BMP6: variants seen among roughly 807,000 people sequenced by gnomAD.
The protein encoded by BMP6 is VG-1-R.
BMP6 carries 17 observed loss-of-function variants against 54.1 expected under a neutral mutation model. The observed-to-expected ratio is 0.31, with a 90% CI of 0.22 to 0.47. The LOEUF (loss-of-function observed/expected upper bound fraction) is 0.47. BMP6 is among the 20% of genes least tolerant of loss of function. The pLI is 1.00. For synonymous variants in BMP6, 328 were observed against 291.2 expected (o/e 1.13, Z -1.28); for missense variants, 720 against 690.4 (o/e 1.04, Z -0.48).
chr6:7,798,757 C>T (rs1392166776), intron 1 of BMP6, among the ~76,000 whole-genome samples: 1 of 152,208 alleles, frequency 6.6e-6, no homozygotes, highest in Non-Finnish European at 1.5e-5. Flanking sequence ...CTTGCCACCA[C>T]ACCACATGTA....
intron 1 of BMP6, among the ~76,000 whole-genome samples, chr6:7,840,428 G>A (rs1758950884): frequency 6.6e-6 from 1 of 152,090 alleles, no homozygotes; most frequent in Admixed American, 6.6e-5. Flanking sequence ...CATTACCTCC[G>A]TAAATTGCAT....
chr6:7,759,696 CTTTTTTTT>C (rs71542880), intron 1 of BMP6, among the ~76,000 whole-genome samples: 23 of 62,154 alleles, frequency 3.7e-4, no homozygotes, highest in Non-Finnish European at 5.2e-4. Flanking sequence ...CTTTCTTCTT[CTTTTTTTT>C]TTTTTTTTTT....
At position 7,809,953 on chromosome 6, in the gene BMP6, T is replaced by TTC. The variant is rs1758411899; in HGVS notation, c.665-35187_665-35186insTC. ...ATCTCTTGTACAAAGAGACCACTTATATATTTATTCACTGAGCAAATATTC... is the reference window on the plus strand; with the variant it reads ...ATCTCTTGTACAAAGAGACCACTTATTCATATTTATTCACTGAGCAAATATTC... On this transcript the variant is annotated intron_variant, in intron 1 of 6. Coordinates refer to ENST00000283147, the MANE Select transcript of BMP6 (RefSeq NM_001718.6). Among the ~76,000 whole-genome samples the TTC allele has an allele frequency of 6.8e-4, 102 of 150,016 alleles. 1 individual carries two copies. The highest frequency in any genetic ancestry group is 6.6e-3 in the Admixed American group (99 of 14,976).
At chr6:7,774,033 C>A (rs1757826578) in intron 1 of BMP6, among the ~76,000 whole-genome samples, 1 of 152,186 alleles carries the variant, frequency 6.6e-6, no homozygotes, top group African/African-American at 2.4e-5. Flanking sequence ...GCCTCACCTG[C>A]CGGAGGAGGT....
In BMP6 at chr6:7,727,464, A is replaced by C. The variant is rs1761755668; in HGVS notation, c.509A>C (p.Gln170Pro). The C allele has an allele frequency of 6.3e-7, 1 of 1,596,352 alleles. No individual in the cohort carries two copies. The highest frequency in any genetic ancestry group is 8.5e-7 in the Non-Finnish European group (1 of 1,175,178). ...SWPHEAASSS[Q>P]RRQPPPGAAH... ...CCCCACGAAGCAGCCAGCTCGTCCC[A>C]GCGTCGGCAGCCGCCCCCGGGCGCC... The change falls in exon 1 of 7, where the codon CAG becomes CCG. Residue 170 changes from glutamine to proline, a missense_variant. By Grantham distance (76) the Gln-to-Pro change is moderately conservative (BLOSUM62 -1). This residue lies in a region of BMP6 where 650 missense variants were observed against 556.3 expected (regional missense o/e 1.17). Coordinates refer to ENST00000283147, the MANE Select transcript of BMP6 (RefSeq NM_001718.6).
Position 7,727,592 on chromosome 6 carries a change from G to C in BMP6, c.637G>C (p.Asp213His), listed in dbSNP as rs376562356. Residue 213 changes from aspartate to histidine, a missense_variant, in exon 1 of 7, where the codon GAC becomes CAC. By Grantham distance (81) the Asp-to-His change is moderately conservative (BLOSUM62 -1). This residue lies in a region of BMP6 where 650 missense variants were observed against 556.3 expected (regional missense o/e 1.17). Transcript: ENST00000283147. ...AQDSAFLNDA[D>H]MVMSFVNLVE... ...GGACAGCGCCTTCCTCAACGACGCG[G>C]ACATGGTCATGAGCTTTGTGAACCT... The C allele has an allele frequency of 6.3e-7, 1 of 1,577,806 alleles. No homozygotes were observed. The highest frequency in any genetic ancestry group is 1.8e-5 in the Admixed American group (1 of 56,348).
intron 4 of BMP6, among the ~76,000 whole-genome samples, chr6:7,878,154 G>A (rs1417094708): frequency 6.6e-6 from 1 of 152,166 alleles, no homozygotes; most frequent in Non-Finnish European, 1.5e-5. Flanking sequence ...GCCCTTGCCT[G>A]TGTGATATTT....
chr6:7,807,913 C>CTTTTTTT (rs755894743), intron 1 of BMP6, among the ~76,000 whole-genome samples: 13 of 81,482 alleles, frequency 1.6e-4, no homozygotes, highest in African/African-American at 3.4e-4. Context: ...GAAGTCTTTA[C>CTTTTTTT]TTTTTTTTTT....
rs1453043156 is a variant in BMP6, at chr6:7,727,406, G to C, written c.451G>C (p.Gly151Arg). The C allele has an allele frequency of 1.9e-6, 3 of 1,606,958 alleles. No homozygotes were observed. Among genetic ancestry groups the C allele is most frequent in the Admixed American group, 1.7e-5 (1 of 59,602 alleles). The change falls in exon 1 of 7, where the codon GGG becomes CGG. Residue 151 changes from glycine (G) to arginine (R), a missense_variant. Around this residue, in one of 3 missense-constraint regions of BMP6, gnomAD observed 650 missense variants for 556.3 expected, o/e 1.17. Transcript: ENST00000283147. ...CCTGTCCGCCGACAACGACGAGGAC[G>C]GGGCGTCGGAGGGGGAGAGGCAGCA... is the stretch of plus-strand genomic sequence containing the variant. The part of the protein sequence containing the change: ...NALSADNDED[G>R]ASEGERQQSW...
rs375867934 is a variant in BMP6 at position 7,845,147 on chromosome 6, C to T, written c.672C>T (p.Tyr224=). 9 of 1,612,140 alleles carry T rather than the reference C, an allele frequency of 5.6e-6. No homozygotes were observed. The highest frequency in any genetic ancestry group is 6.8e-6 in the Non-Finnish European group (8 of 1,178,748). The change falls in exon 2 of 7, where the codon TAC becomes TAT. Residue 224 remains tyrosine (Y), a synonymous_variant. Coordinates refer to ENST00000283147, the MANE Select transcript of BMP6 (RefSeq NM_001718.6). Reference sequence around the variant, plus strand: ...TCTTGTTTAATCTTATAGTGGAGTACGACAAGGAGTTCTCCCCTCGTCAGC... The same window carrying T: ...TCTTGTTTAATCTTATAGTGGAGTATGACAAGGAGTTCTCCCCTCGTCAGC... ...MVMSFVNLVE[Y]DKEFSPRQRH... is the part of the protein sequence containing the mutation.
chr6:7,824,163 C>T (rs2113227533), intron 1 of BMP6, among the ~76,000 whole-genome samples: 1 of 152,208 alleles, frequency 6.6e-6, no homozygotes, highest in East Asian at 1.9e-4. Flanking sequence ...TTGCTGGTGT[C>T]ATGGAGGCAG....
At chr6:7,854,956 T>C (rs1420199649) in intron 2 of BMP6, among the ~76,000 whole-genome samples, 2 of 152,168 alleles carry the variant, frequency 1.3e-5, no homozygotes, top group East Asian at 3.9e-4. Flanking sequence ...AAAGTTTCCA[T>C]CCTCTTTCCC....
At chr6:7,782,723 GA>G (rs1000290000) in intron 1 of BMP6, among the ~76,000 whole-genome samples, 4 of 151,650 alleles carry the variant, frequency 2.6e-5, no homozygotes, top group South Asian at 2.1e-4. Flanking sequence ...AAAAGAGAAA[GA>G]AAAAAAAGTA....
rs1761854853 is a variant in BMP6 at position 7,731,370 on chromosome 6, T to TA, written c.664+3754dup. 3.3e-5 allele frequency among the ~76,000 whole-genome samples: 5 copies of TA among 152,336 alleles called. No individual in the cohort carries two copies. The South Asian group carries it at 1.0e-3, about 32-fold the overall frequency. ...GAGAGACCTTCTCTGCCACTCTATA[T>TA]AAACTGGTCATGCCTCCATCCCACC... On this transcript the variant is annotated intron_variant, in intron 1 of 6. Coordinates refer to ENST00000283147, the MANE Select transcript of BMP6 (RefSeq NM_001718.6).
Position 7,727,072 on chromosome 6 carries a change from C to T in BMP6, c.117C>T (p.Ala39=), listed in dbSNP as rs1033072339. The T allele has an allele frequency of 1.4e-4, 173 of 1,237,620 alleles. No homozygotes were observed. The highest frequency in any genetic ancestry group is 2.6e-4 in the Admixed American group (6 of 23,002). The allele number at this position is 1,237,620 out of a possible 1,614,324, so 76.7% of individuals were successfully genotyped here. A position where few individuals can be genotyped will look rare whatever the true frequency, so the allele number is the denominator to read the frequency against. The change falls in exon 1 of 7, where the codon GCC becomes GCT. Residue 39 remains alanine (A), a synonymous_variant. Transcript: ENST00000283147. ...PPLPAAAAAA[A]GGQLLGDGGS... Reference sequence around the variant, plus strand: ...TGCCCGCTGCCGCGGCCGCCGCCGCCGGGGGGCAGCTGCTGGGGGACGGCG... The same window carrying T: ...TGCCCGCTGCCGCGGCCGCCGCCGCTGGGGGGCAGCTGCTGGGGGACGGCG...
intron 1 of BMP6, among the ~76,000 whole-genome samples, chr6:7,786,285 A>G (rs1026395977): frequency 1.3e-5 from 2 of 152,010 alleles, no homozygotes; most frequent in Non-Finnish European, 2.9e-5. Flanking sequence ...CCTCTCTACT[A>G]CTGGGAACAC....
intron 1 of BMP6, among the ~76,000 whole-genome samples, chr6:7,769,388 C>T (rs768389450): frequency 1.8e-4 from 28 of 152,166 alleles, no homozygotes; most frequent in Non-Finnish European, 3.4e-4. Flanking sequence ...GGGAGTTTGG[C>T]ATCAGCATGT....
intron 1 of BMP6, among the ~76,000 whole-genome samples, chr6:7,838,786 C>T (rs1758917329): frequency 6.6e-6 from 1 of 151,872 alleles, no homozygotes; most frequent in South Asian, 2.1e-4. Flanking sequence ...ACTAAAAATA[C>T]AAAAAATTAG....
intron 1 of BMP6, among the ~76,000 whole-genome samples, chr6:7,788,265 T>C (rs1411969237): frequency 3.3e-5 from 5 of 152,222 alleles, no homozygotes; most frequent in Non-Finnish European, 5.9e-5. Flanking sequence ...GCATTAGTGA[T>C]AGACCACATG....
Sources: gnomAD v4.1 joint callset for allele counts (sites outside exome capture counted in the v4.1 genomes callset) on GRCh38, gnomAD v4.1.1 for gene constraint, gnomAD v4.1.1 regional missense constraint, MANE v1.5 for transcripts, NCBI Gene and HGNC (gene_info 2026-07-23, HGNC 2026-07-21) for gene names.